ERC1: variants seen among roughly 807,000 people sequenced by gnomAD.
ERC1 encodes ELKS/RAB6-interacting/CAST family member 1.
Under a neutral mutation model 132.0 loss-of-function variants are expected in ERC1, and 56 were observed. That is an observed-to-expected ratio of 0.42 (90% CI 0.34 to 0.53). The LOEUF (loss-of-function observed/expected upper bound fraction) is 0.53, where lower values mean the gene tolerates loss of function less well. Among genes scored for constraint, ERC1 ranks in the 20% least tolerant of loss-of-function variants. ERC1 has a pLI of 0.03. For missense variants in ERC1, 1,202 were observed against 1,349.9 expected, an observed-to-expected ratio of 0.89 and a Z score of 1.72; for synonymous variants, 478 against 476.1, an observed-to-expected ratio of 1.00 and a Z score of -0.05.
intron 15 of ERC1, among the ~76,000 whole-genome samples, chr12:1,351,060 T>G (rs571822970): frequency 1.3e-5 from 2 of 152,256 alleles, no homozygotes; most frequent in East Asian, 3.9e-4. Flanking sequence ...ACACCTCCCA[T>G]CAGGCCCCAC....
intron 15 of ERC1, among the ~76,000 whole-genome samples, chr12:1,342,659 G>C (rs2084034643): frequency 6.6e-6 from 1 of 152,134 alleles, no homozygotes; most frequent in African/African-American, 2.4e-5. Context: ...AATCAGAGAA[G>C]AGAGCGTTGC....
At chr12:1,077,726 A>G (rs1289284845) in intron 2 of ERC1, among the ~76,000 whole-genome samples, 1 of 152,150 alleles carries the variant, frequency 6.6e-6, no homozygotes, top group East Asian at 1.9e-4. Flanking sequence ...CCTTAAACTC[A>G]ATGTATCTGT....
At chr12:1,198,369 A>C (rs1456762054) in intron 12 of ERC1, among the ~76,000 whole-genome samples, 2 of 152,174 alleles carry the variant, frequency 1.3e-5, no homozygotes, top group Non-Finnish European at 2.9e-5. Flanking sequence ...AGGTCCTCCA[A>C]CTCTAGTAGA....
intron 18 of ERC1, among the ~76,000 whole-genome samples, chr12:1,486,589 T>C (rs140178594): frequency 0.18 from 27,351 of 151,966 alleles, 3,042 homozygotes; most frequent in Non-Finnish European, 0.25. Context: ...CATGCCCAGC[T>C]ATTTTTTGTA....
intron 1 of ERC1, among the ~76,000 whole-genome samples, chr12:1,019,744 G>T (rs1966054842): frequency 6.6e-6 from 1 of 152,060 alleles, no homozygotes; most frequent in Non-Finnish European, 1.5e-5. Flanking sequence ...ACAGGGTCTT[G>T]CCATGTCATC....
intron 14 of ERC1, among the ~76,000 whole-genome samples, chr12:1,281,783 G>A (rs953713713): frequency 9.9e-5 from 15 of 152,248 alleles, no homozygotes; most frequent in African/African-American, 3.4e-4. Flanking sequence ...ATTAATTCAG[G>A]TATTTATTTT....
At position 1,370,846 on chromosome 12, in the gene ERC1, G is replaced by C. The variant is rs538564186; in HGVS notation, c.2781-987G>C. On this transcript the variant is annotated intron_variant, in intron 15 of 18. Transcript: ENST00000360905. ...AGAGATCCTCCTACCTTAGTCTCCC[G>C]AGTAGTGAGTAGCTGGGACCAGAAG... Among the ~76,000 whole-genome samples the C allele has an allele frequency of 6.8e-4, 103 of 152,132 alleles. 4 individuals carry two copies. In the South Asian group the frequency reaches 0.021, roughly 31 times the overall value.
intron 12 of ERC1, among the ~76,000 whole-genome samples, chr12:1,200,557 CCTTTT>C (rs1396349420): frequency 7.3e-6 from 1 of 136,378 alleles, no homozygotes; most frequent in Admixed American, 7.1e-5. Context: ...TCTCACATTT[CCTTTT>C]CTTTTTTTTT....
At chr12:1,038,064 G>GA (rs1162757641) in intron 2 of ERC1, among the ~76,000 whole-genome samples, 6 of 151,354 alleles carry the variant, frequency 4.0e-5, no homozygotes, top group Non-Finnish European at 7.4e-5. Flanking sequence ...AAAAGAAAAA[G>GA]AAAAAAACTA....
intron 16 of ERC1, 52 bp from the exon 17 acceptor site, chr12:1,408,097 T>G: frequency 1.6e-6 from 2 of 1,223,712 alleles, no homozygotes; most frequent in Admixed American, 1.7e-5. Flanking sequence ...TACTTTACAG[T>G]GTGTCATAGA....
intron 15 of ERC1, among the ~76,000 whole-genome samples, chr12:1,314,877 T>C (rs1282996259): frequency 6.6e-6 from 1 of 152,214 alleles, no homozygotes. Context: ...CTGGGCTCTA[T>C]CTTTACTACA....
intron 18 of ERC1, chr12:1,480,754 G>A: frequency 1.5e-6 from 1 of 688,928 alleles, no homozygotes; most frequent in South Asian, 1.5e-5. Flanking sequence ...GTAGTGGGCA[G>A]GGGGTTGAAG....
chr12:994,799 A>G (rs907502573), intron 1 of ERC1, among the ~76,000 whole-genome samples: 3 of 152,140 alleles, frequency 2.0e-5, no homozygotes, highest in Admixed American at 2.0e-4. Flanking sequence ...ATGTCTCTAC[A>G]AAAATAAAAA....
chr12:1,108,237 T>TA (rs1225039892), intron 4 of ERC1, among the ~76,000 whole-genome samples: 1 of 152,112 alleles, frequency 6.6e-6, no homozygotes, highest in Non-Finnish European at 1.5e-5. Flanking sequence ...CATGATTTGG[T>TA]AGTGAGGGTG....
chr12:1,469,418 G>C (rs1234964322), intron 18 of ERC1, among the ~76,000 whole-genome samples: 1 of 152,218 alleles, frequency 6.6e-6, no homozygotes, highest in Non-Finnish European at 1.5e-5. Flanking sequence ...TCTCTCCCTT[G>C]GCTCCTTCGG....
rs80123828 is a variant in ERC1 at position 1,034,359 on chromosome 12, C to G, written c.669+5787C>G. Among the ~76,000 whole-genome samples, 971 of 151,952 alleles carry G rather than the reference C, an allele frequency of 6.4e-3. 2 individuals carry two copies. Among genetic ancestry groups the G allele is most frequent in the Non-Finnish European group, 0.01 (691 of 67,958 alleles). Reference sequence around the variant, plus strand: ...AGGAGGCTGAGGCAGGAGAATCCCTCGAGTCCAGGAGTTTGAGTCCAGCCT... The same window carrying G: ...AGGAGGCTGAGGCAGGAGAATCCCTGGAGTCCAGGAGTTTGAGTCCAGCCT... On this transcript the variant is annotated intron_variant, in intron 2 of 18. Coordinates refer to ENST00000360905, the MANE Select transcript of ERC1 (RefSeq NM_178040.4).
chr12:1,114,653 G>C (rs1006985547), intron 6 of ERC1, among the ~76,000 whole-genome samples: 3 of 151,808 alleles, frequency 2.0e-5, no homozygotes, highest in Admixed American at 2.0e-4. Context: ...CGTTGTTACA[G>C]TGTGTGCTAA....
chr12:1,145,394 A>G (rs1950260342), intron 8 of ERC1, among the ~76,000 whole-genome samples: 1 of 151,336 alleles, frequency 6.6e-6, no homozygotes. Context: ...AGAATTGTCT[A>G]TTCATGTCCT....
chr12:1,314,644 T>A (rs2081561842), intron 15 of ERC1, among the ~76,000 whole-genome samples: 1 of 152,238 alleles, frequency 6.6e-6, no homozygotes, highest in Admixed American at 6.5e-5. Flanking sequence ...TTTTTTTCTT[T>A]ACTGTAGTAA....
Sources: gnomAD v4.1 joint callset for allele counts (sites outside exome capture counted in the v4.1 genomes callset) on GRCh38, gnomAD v4.1.1 for gene constraint, MANE v1.5 for transcripts, NCBI Gene and HGNC (gene_info 2026-07-23, HGNC 2026-07-21) for gene names.